Variants in NYAP2 observed in about 807,000 individuals in gnomAD.
NYAP2 encodes the protein neuronal tyrosine-phosphorylated phosphoinositide-3-kinase adaptor 2.
NYAP2 carries 23 observed loss-of-function variants against 50.4 expected under a neutral mutation model. The ratio of observed to expected loss-of-function variants is 0.46; its 90% CI spans 0.33 to 0.65. NYAP2 has a LOEUF of 0.65. NYAP2 is among the 30% of genes least tolerant of loss of function. The probability of loss-of-function intolerance (pLI) is 0.02; values close to 1 mark genes in which losing one functional copy is unlikely to be tolerated. For synonymous variants in NYAP2, 394 were observed against 365.2 expected (o/e 1.08, Z -0.90); for missense variants, 885 against 861.0 (o/e 1.03, Z -0.35).
intron 5 of NYAP2, among the ~76,000 whole-genome samples, chr2:225,605,203 C>T (rs1018941543): frequency 3.3e-5 from 5 of 152,090 alleles, no homozygotes; most frequent in African/African-American, 1.2e-4. Context: ...AGGCATTTTT[C>T]CATCTGCCTG....
At chr2:225,660,677 A>G in the NYAP2 span, among the ~76,000 whole-genome samples, 13 of 152,272 alleles carry the variant, frequency 8.5e-5, no homozygotes, top group Admixed American at 3.9e-4. Flanking sequence ...TTTGGAATCT[A>G]TACTTGGCTT....
exon 3 of NYAP2, chr2:225,409,081 A>G (rs1179196816): frequency 1.2e-6 from 2 of 1,604,664 alleles, no homozygotes; most frequent in Admixed American, 1.7e-5. Flanking sequence ...AACGCCGAAG[A>G]CAAGAAGAAG....
At chr2:225,412,962 C>G (rs1695071530) in intron 3 of NYAP2, among the ~76,000 whole-genome samples, 3 of 152,104 alleles carry the variant, frequency 2.0e-5, no homozygotes, top group African/African-American at 7.2e-5. Flanking sequence ...ATTTGCGGGC[C>G]ATGCCTCAAA....
At chr2:225,408,882 T>C (rs1694983483) in exon 3 of NYAP2, 1 of 1,601,724 alleles carries the variant, frequency 6.2e-7, no homozygotes, top group South Asian at 1.1e-5. Flanking sequence ...CCTCTTTACA[T>C]GATATCCTCC....
At chr2:225,431,129 T>C (rs1255798299) in intron 3 of NYAP2, among the ~76,000 whole-genome samples, 1 of 152,224 alleles carries the variant, frequency 6.6e-6, no homozygotes, top group Non-Finnish European at 1.5e-5. Flanking sequence ...TAAAATAAAT[T>C]CTGTGGTACA....
intron 3 of NYAP2, among the ~76,000 whole-genome samples, chr2:225,507,523 T>G (rs529268198): frequency 1.2e-4 from 18 of 152,186 alleles, no homozygotes; most frequent in Non-Finnish European, 2.5e-4. Flanking sequence ...CTTTGAAAAA[T>G]TGATGCAAGT....
chr2:225,566,089 T>A (rs946259372), intron 4 of NYAP2, among the ~76,000 whole-genome samples: 1 of 152,208 alleles, frequency 6.6e-6, no homozygotes, highest in Non-Finnish European at 1.5e-5. Flanking sequence ...GAGTTTATAA[T>A]TGTACCTACC....
At chr2:225,479,614 A>C (rs957374981) in intron 3 of NYAP2, among the ~76,000 whole-genome samples, 1 of 151,992 alleles carries the variant, frequency 6.6e-6, no homozygotes, top group Admixed American at 6.6e-5. Context: ...GTTCCAATGC[A>C]TTGTGAAAAT....
intron 4 of NYAP2, among the ~76,000 whole-genome samples, chr2:225,564,585 A>C (rs1691930324): frequency 6.6e-6 from 1 of 151,974 alleles, no homozygotes; most frequent in Non-Finnish European, 1.5e-5. Context: ...CACAAACAAA[A>C]AAATCTTTTC....
At chr2:225,673,210 G>A in the NYAP2 span, among the ~76,000 whole-genome samples, 5 of 151,932 alleles carry the variant, frequency 3.3e-5, no homozygotes, top group Non-Finnish European at 4.4e-5. Context: ...AGAACAGCAC[G>A]GGAAAGACCT....
chr2:225,530,882 A>G (rs1488635878), intron 4 of NYAP2, among the ~76,000 whole-genome samples: 2 of 152,070 alleles, frequency 1.3e-5, no homozygotes, highest in African/African-American at 4.8e-5. Flanking sequence ...AGTCCAGCCA[A>G]TTCTGCTCCA....
chr2:225,673,435 A>G, the NYAP2 span, among the ~76,000 whole-genome samples: 239 of 149,588 alleles, frequency 1.6e-3, 1 homozygote, highest in African/African-American at 5.6e-3. Context: ...TGCTTGACAG[A>G]GGGTTGCCTC....
chr2:225,642,105 G>T (rs923544328), intron 6 of NYAP2, among the ~76,000 whole-genome samples: 5 of 152,154 alleles, frequency 3.3e-5, no homozygotes, highest in Non-Finnish European at 7.3e-5. Context: ...AGTAGAGGAA[G>T]AAAGGGAAGG....
rs764166277 is a variant in NYAP2, at chr2:225,581,922, A to G, written c.524-19A>G. On this transcript the variant is annotated intron_variant, in intron 4 of 6. Transcript: ENST00000636099. The stretch of plus-strand genomic sequence containing the variant: ...TCCTATTATACTCATCTATTCCACT[A>G]CGTTTTTTCTTCTTTTAGCGTCAGC... 7.0e-6 allele frequency: 11 copies of G among 1,580,964 alleles called. No homozygotes were observed. Among genetic ancestry groups the G allele is most frequent in the Non-Finnish European group, 7.8e-6 (9 of 1,160,368 alleles).
At chr2:225,435,672 C>T (rs1689364312) in intron 3 of NYAP2, among the ~76,000 whole-genome samples, 1 of 152,104 alleles carries the variant, frequency 6.6e-6, no homozygotes, top group Admixed American at 6.6e-5. Context: ...GTAAAATATC[C>T]ACTTCAGTAA....
At chr2:225,605,211 C>G (rs1024443014) in intron 5 of NYAP2, among the ~76,000 whole-genome samples, 3 of 152,046 alleles carry the variant, frequency 2.0e-5, no homozygotes, top group Non-Finnish European at 4.4e-5. Flanking sequence ...TTCCATCTGC[C>G]TGTTAGAATG....
the NYAP2 span, among the ~76,000 whole-genome samples, chr2:225,692,392 AATTTT>A: frequency 8.5e-5 from 13 of 152,202 alleles, no homozygotes; most frequent in Admixed American, 8.5e-4. Flanking sequence ...GGAAGTAATT[AATTTT>A]ATTTTCTAGA....
chr2:225,631,710 G>A (rs1186941810), intron 6 of NYAP2, among the ~76,000 whole-genome samples: 1 of 152,184 alleles, frequency 6.6e-6, no homozygotes, highest in Non-Finnish European at 1.5e-5. Flanking sequence ...TGAAGAGAAA[G>A]AACCTAAATG....
At chr2:225,638,543 CT>C (rs1452537290) in intron 6 of NYAP2, among the ~76,000 whole-genome samples, 1 of 152,050 alleles carries the variant, frequency 6.6e-6, no homozygotes, top group Admixed American at 6.6e-5. Context: ...ATGAGAGTGC[CT>C]GGGGCAGCCA....
Sources: gnomAD v4.1 joint callset for allele counts (sites outside exome capture counted in the v4.1 genomes callset) on GRCh38, gnomAD v4.1.1 for gene constraint, MANE v1.5 for transcripts, NCBI Gene and HGNC (gene_info 2026-07-23, HGNC 2026-07-21) for gene names.